RGL2: variants seen among roughly 807,000 people sequenced by gnomAD.
RGL2 encodes ral guanine nucleotide dissociation stimulator like 2, also known as ral guanine nucleotide dissociation stimulator-like 2.
A neutral mutation model predicts 84.6 loss-of-function variants in RGL2; 40 were observed. The ratio of observed to expected loss-of-function variants is 0.47; its 90% confidence interval spans 0.37 to 0.62. RGL2 has a LOEUF of 0.62. Among genes scored for constraint, RGL2 ranks in the 20% least tolerant of loss-of-function variants. RGL2 has a pLI of 0.00. For synonymous variants in RGL2, 369 were observed against 417.3 expected, an observed-to-expected ratio of 0.88 and a Z score of 1.41; for missense variants, 865 against 1,019.7, an observed-to-expected ratio of 0.85 and a Z score of 2.07.
At position 33,293,527 on chromosome 6, in the gene RGL2, G is replaced by A. The variant is rs1196238360; in HGVS notation, c.1605-3C>T. 1 of 1,613,526 alleles carries A rather than the reference G, an allele frequency of 6.2e-7. No homozygotes were observed. Among genetic ancestry groups the A allele is most frequent in the Admixed American group, 1.7e-5 (1 of 59,926 alleles). ...GGACCCCAACAGAGCCCAAAACCCT[G>A]CAGTGGCAGGAGATTGGGAGGATCA... On this transcript the variant is annotated splice_region_variant and splice_polypyrimidine_tract_variant and intron_variant, in intron 14 of 17. Transcript: ENST00000497454. The surrounding 1 kb of genome is among the most constrained non-coding windows in gnomAD (Gnocchi z 7.0).
chr6:33,296,121 G>C lies in RGL2; in HGVS notation c.675C>G (p.Pro225=), dbSNP rs375874138. The C allele has an allele frequency of 4.3e-6, 7 of 1,613,836 alleles. No individual in the cohort carries two copies. In the African/African-American group the frequency reaches 9.3e-5, roughly 22 times the overall value. Residue 225 remains proline, a synonymous_variant, in exon 6 of 18, where the codon CCC becomes CCG. Coordinates refer to ENST00000497454, the MANE Select transcript of RGL2 (RefSeq NM_004761.5). This position sits in a 1 kb window ranked among gnomAD's most constrained non-coding sequence, Gnocchi z 5.0. ...VDPQAPDLPK[P]LALPGDPPAD... is the part of the protein sequence containing the mutation. ...CAGGGGGATCGCCGGGGAGGGCCAG[G>C]GGCTTAGGAAGGTCGGGGGCCTGGG...
chr6:33,299,283 T>C (rs1367236186), upstream of RGL2: 1 of 152,224 alleles, frequency 6.6e-6, no homozygotes, highest in Non-Finnish European at 1.5e-5. This position sits in a 1 kb window ranked among gnomAD's most constrained non-coding sequence, Gnocchi z 5.0. Flanking sequence ...ATAACACGGC[T>C]AAAACTCCCG....
At position 33,298,412 on chromosome 6, in the gene RGL2, C is replaced by A. The variant is rs1386875630; in HGVS notation, c.156+43G>T. On this transcript the variant is annotated intron_variant, in intron 2 of 17. Coordinates refer to ENST00000497454, the MANE Select transcript of RGL2 (RefSeq NM_004761.5). The surrounding 1 kb of genome is among the most constrained non-coding windows in gnomAD (Gnocchi z 4.8). The stretch of plus-strand genomic sequence containing the variant: ...AGAGACAAGAGAAAAGTGGAGACTT[C>A]AGAAATACATACGCCCCCTACCTCC... 3 of 1,130,090 alleles carry A rather than the reference C, an allele frequency of 2.7e-6. No homozygotes were observed. Among genetic ancestry groups the A allele is most frequent in the Admixed American group, 2.4e-5 (1 of 41,408 alleles). 70.0% of individuals were successfully genotyped at this position (1,130,090 alleles called of 1,614,324 possible). A position where few individuals can be genotyped will look rare whatever the true frequency, so the allele number is the denominator to read the frequency against.
At chr6:33,292,664 A>T (rs1767526923) in intron 16 of RGL2, 120 bp from the exon 17 acceptor site, 4 of 854,776 alleles carry the variant, frequency 4.7e-6, no homozygotes, top group Non-Finnish European at 5.7e-6. Flanking sequence ...AATGAACAGG[A>T]AAACCCAATA....
rs568166862 is a variant in RGL2 at position 33,294,595 on chromosome 6, G to A, written c.1353+93C>T. ...CTCTGTCCCACACTCAGCTATTTGT[G>A]CCTTACAGCCCCTTGCAAGGGGCGG... On this transcript the variant is annotated intron_variant, in intron 11 of 17. Transcript: ENST00000497454. The surrounding 1 kb of genome is among the most constrained non-coding windows in gnomAD (Gnocchi z 5.0). 1 of 1,365,944 alleles carries A rather than the reference G, an allele frequency of 7.3e-7. No homozygotes were observed. Among genetic ancestry groups the A allele is most frequent in the South Asian group, 1.3e-5 (1 of 79,650 alleles). The allele number at this position is 1,365,944 out of a possible 1,614,324, so 84.6% of individuals were successfully genotyped here. A position where few individuals can be genotyped will look rare whatever the true frequency, so the allele number is the denominator to read the frequency against.
chr6:33,292,464 C>A lies in RGL2; in HGVS notation c.2088G>T (p.Glu696Asp). 6.2e-7 allele frequency: 1 copy of A among 1,614,186 alleles called. No individual in the cohort carries two copies. The highest frequency in any genetic ancestry group is 8.5e-7 in the Non-Finnish European group (1 of 1,180,032). The change falls in exon 17 of 18, where the codon GAG (glutamate) becomes GAT (aspartate). Residue 696 changes from glutamate to aspartate, a missense_variant. By Grantham distance (45) the Glu-to-Asp change is conservative. This residue lies in a region of RGL2 where 302 missense variants were observed against 327.9 expected (regional missense o/e 0.92). Transcript: ENST00000497454. ...KNNRDSAVASEYELVQLLPGE... is the reference protein window; with the variant it reads ...KNNRDSAVASDYELVQLLPGE... ...CTGGTAGCAGCTGTACCAGCTCATA[C>A]TCTGAAGCCACTGCAGAGTCACGAT...
chr6:33,293,625 A>G lies in RGL2; in HGVS notation c.1583T>C (p.Leu528Ser). The G allele has an allele frequency of 6.2e-7, 1 of 1,614,130 alleles. No individual in the cohort carries two copies. Among genetic ancestry groups the G allele is most frequent in the Non-Finnish European group, 8.5e-7 (1 of 1,180,010 alleles). ...PPAPRVLRPT[L>S]VISQWTEVLG... ...TCACTCTGTCCACTGCGAGATGACC[A>G]ATGTTGGCCGAAGCACCCGTGGGGC... Residue 528 changes from leucine to serine, a missense_variant, in exon 14 of 18, where the codon TTG becomes TCG. This residue lies in a region of RGL2 where 302 missense variants were observed against 327.9 expected (regional missense o/e 0.92). Transcript: ENST00000497454. This position sits in a 1 kb window ranked among gnomAD's most constrained non-coding sequence, Gnocchi z 7.0.
Position 33,295,407 on chromosome 6 carries a change from G to A in RGL2, c.1036C>T (p.Arg346Ter), listed in dbSNP as rs754266562. 9 of 1,611,568 alleles carry A rather than the reference G, an allele frequency of 5.6e-6. No homozygotes were observed. Among genetic ancestry groups the A allele is most frequent in the Admixed American group, 1.7e-5 (1 of 59,874 alleles). ...IRVAEECRLL[R>*]NFSSVYAVVS... is the part of the protein sequence containing the mutation. The stretch of plus-strand genomic sequence containing the variant: ...ACGGCATAAACTGAAGAGAAGTTTC[G>A]GAGCAGCCGGCACTCCTGTGGGGGT... Residue 346 changes from arginine (R) to a stop codon, truncating the protein, a stop_gained, in exon 8 of 18, where the codon CGA becomes TGA. Coordinates refer to ENST00000497454, the MANE Select transcript of RGL2 (RefSeq NM_004761.5). LOFTEE classifies it high-confidence loss of function. The surrounding 1 kb of genome is among the most constrained non-coding windows in gnomAD (Gnocchi z 7.2).
In RGL2 at chr6:33,294,826, A is replaced by G. The variant is rs144541616; in HGVS notation, c.1279-64T>C. 7.7e-4 allele frequency: 1,195 copies of G among 1,558,634 alleles called. 5 individuals are homozygous for G. The Middle Eastern group carries it at 0.013, about 17-fold the overall frequency. ...ACGTGAGGGCCCTCCATCCCTCCGC[A>G]CTTGCCCTCCTCATTGCCTCAGAGA... On this transcript the variant is annotated intron_variant, in intron 10 of 17. Transcript: ENST00000497454. This position sits in a 1 kb window ranked among gnomAD's most constrained non-coding sequence, Gnocchi z 5.0.
At chr6:33,298,955 T>G, upstream of RGL2, 1 of 218,508 alleles carries the variant, frequency 4.6e-6, no homozygotes, top group East Asian at 9.0e-5. This position sits in a 1 kb window ranked among gnomAD's most constrained non-coding sequence, Gnocchi z 4.8. Context: ...CTCCCCGGCT[T>G]TTCCGTACCC....
rs2150940223 is a variant in RGL2, at chr6:33,296,249, C to G, written c.547G>C (p.Asp183His). 1 of 1,614,024 alleles carries G rather than the reference C, an allele frequency of 6.2e-7. No individual in the cohort carries two copies. The highest frequency in any genetic ancestry group is 8.5e-7 in the Non-Finnish European group (1 of 1,179,898). Residue 183 changes from aspartate (D) to histidine (H), a missense_variant, in exon 6 of 18, where the codon GAC (aspartate) becomes CAC (histidine). Physicochemically the swap from Asp to His is moderately conservative, Grantham distance 81. Around this residue, in one of 5 missense-constraint regions of RGL2, gnomAD observed 455 missense variants for 507.8 expected, o/e 0.90. Coordinates refer to ENST00000497454, the MANE Select transcript of RGL2 (RefSeq NM_004761.5). This position sits in a 1 kb window ranked among gnomAD's most constrained non-coding sequence, Gnocchi z 5.0. ...DFGSEAKGQLDRLESFLLQTG... is the reference protein window; with the variant it reads ...DFGSEAKGQLHRLESFLLQTG... Reference sequence around the variant, plus strand: ...TGAAGTAAGAAGCTCTCAAGCCGGTCAAGCTGACCCTTGGCCTCAGAGCCA... The same window carrying G: ...TGAAGTAAGAAGCTCTCAAGCCGGTGAAGCTGACCCTTGGCCTCAGAGCCA...
chr6:33,293,602 ACT>A lies in RGL2; in HGVS notation c.1604_1604+1del. The stretch of plus-strand genomic sequence containing the variant: ...CCACCCCCCAGCCAGTGAATCTCTC[ACT>A]CTGTCCACTGCGAGATGACCAATGT... On this transcript the variant is annotated splice_donor_variant and coding_sequence_variant, in exon 14 of 18. Transcript: ENST00000497454. LOFTEE classifies it high-confidence loss of function. This position sits in a 1 kb window ranked among gnomAD's most constrained non-coding sequence, Gnocchi z 7.0. 1 of 1,613,770 alleles carries A rather than the reference ACT, an allele frequency of 6.2e-7. No individual in the cohort carries two copies. Among genetic ancestry groups the A allele is most frequent in the South Asian group, 1.1e-5 (1 of 91,050 alleles).
chr6:33,292,425 C>G lies in RGL2; in HGVS notation c.2122+5G>C. ...CGAGTCTGCCTTTCCCTCATGGCCT[C>G]TGACCTCGCTCCCCTGGTAGCAGCT... is the stretch of plus-strand genomic sequence containing the variant. On this transcript the variant is annotated splice_donor_5th_base_variant and intron_variant, in intron 17 of 17. Transcript: ENST00000497454. 9 of 1,613,950 alleles carry G rather than the reference C, an allele frequency of 5.6e-6. No individual in the cohort carries two copies. Among genetic ancestry groups the G allele is most frequent in the Non-Finnish European group, 7.6e-6 (9 of 1,179,850 alleles).
In RGL2 at chr6:33,295,981, G is replaced by A. The variant is rs1562664066; in HGVS notation, c.768+47C>T. The A allele has an allele frequency of 6.2e-7, 1 of 1,605,188 alleles. No individual in the cohort carries two copies. Among genetic ancestry groups the A allele is most frequent in the South Asian group, 1.1e-5 (1 of 90,404 alleles). On this transcript the variant is annotated intron_variant, in intron 6 of 17. Transcript: ENST00000497454. The surrounding 1 kb of genome is among the most constrained non-coding windows in gnomAD (Gnocchi z 7.2). Reference sequence around the variant, plus strand: ...GGAAAGGATCTGGAGTCAAGGAGAGGTTAGTAAGGGGTCAGGGGGCATAGG... The same window carrying A: ...GGAAAGGATCTGGAGTCAAGGAGAGATTAGTAAGGGGTCAGGGGGCATAGG...
chr6:33,299,305 T>G (rs904807648), upstream of RGL2: 2 of 152,210 alleles, frequency 1.3e-5, no homozygotes, highest in Non-Finnish European at 2.9e-5. The surrounding 1 kb of genome is among the most constrained non-coding windows in gnomAD (Gnocchi z 5.0). Flanking sequence ...GGGAAGCGTT[T>G]CAGGCGGAGA....
chr6:33,296,534 G>C lies in RGL2; in HGVS notation c.419+64C>G. 6.3e-7 allele frequency: 1 copy of C among 1,585,284 alleles called. No homozygotes were observed. Among genetic ancestry groups the C allele is most frequent in the Non-Finnish European group, 8.6e-7 (1 of 1,164,680 alleles). ...TCAGTGGCTTTGACTATTTTGGTGGGATGTTGCGGCTTTAGGAAATCCGGG... is the reference window on the plus strand; with the variant it reads ...TCAGTGGCTTTGACTATTTTGGTGGCATGTTGCGGCTTTAGGAAATCCGGG... On this transcript the variant is annotated intron_variant, in intron 4 of 17. Transcript: ENST00000497454. This position sits in a 1 kb window ranked among gnomAD's most constrained non-coding sequence, Gnocchi z 5.0.
chr6:33,294,596 C>T lies in RGL2; in HGVS notation c.1353+92G>A. On this transcript the variant is annotated intron_variant, in intron 11 of 17. Coordinates refer to ENST00000497454, the MANE Select transcript of RGL2 (RefSeq NM_004761.5). This position sits in a 1 kb window ranked among gnomAD's most constrained non-coding sequence, Gnocchi z 5.0. ...TCTGTCCCACACTCAGCTATTTGTG[C>T]CTTACAGCCCCTTGCAAGGGGCGGG... 7.2e-7 allele frequency: 1 copy of T among 1,384,366 alleles called. No individual in the cohort carries two copies. The highest frequency in any genetic ancestry group is 1.0e-6 in the Non-Finnish European group (1 of 991,142). 85.8% of individuals were successfully genotyped at this position (1,384,366 alleles called of 1,614,324 possible).
rs745504583 is a variant in RGL2 at position 33,292,230 on chromosome 6, A to G, written c.2206T>C (p.Ser736Pro). The change falls in exon 18 of 18, where the codon TCC becomes CCC. Residue 736 changes from serine (S) to proline (P), a missense_variant. Coordinates refer to ENST00000497454, the MANE Select transcript of RGL2 (RefSeq NM_004761.5). ...GTGACGCCAGGTGTAGCAGTAGAGG[A>G]CCTTCGCCGCTGCCGCAGGAGGAAA... The part of the protein sequence containing the change: ...HDFLLRQRRR[S>P]STATPGVTSG... 4.3e-6 allele frequency: 7 copies of G among 1,614,006 alleles called. No individual in the cohort carries two copies. Among genetic ancestry groups the G allele is most frequent in the Non-Finnish European group, 5.9e-6 (7 of 1,180,020 alleles).
Position 33,298,816 on chromosome 6 carries a change from T to G in RGL2, c.-42+54A>C, listed in dbSNP as rs1581727063. 2.4e-5 allele frequency: 6 copies of G among 246,376 alleles called. No homozygotes were observed. The highest frequency in any genetic ancestry group is 3.5e-5 in the Non-Finnish European group (5 of 142,664). 15.3% of individuals were successfully genotyped at this position (246,376 alleles called of 1,614,324 possible). A position where few individuals can be genotyped will look rare whatever the true frequency, so the allele number is the denominator to read the frequency against. ...GGAATAGGGGGGCCCTTGGTGCTGT[T>G]GGGGAAGGAGGAGGTCACGAGTACG... is the stretch of plus-strand genomic sequence containing the variant. On this transcript the variant is annotated intron_variant, in intron 1 of 17. Transcript: ENST00000497454. The surrounding 1 kb of genome is among the most constrained non-coding windows in gnomAD (Gnocchi z 4.8).
Sources: gnomAD v4.1 joint callset for allele counts on GRCh38, gnomAD v4.1.1 for gene constraint, gnomAD v4.1.1 regional missense constraint, Gnocchi (gnomAD v3.1) non-coding constraint, MANE v1.5 for transcripts, NCBI Gene and HGNC (gene_info 2026-07-23, HGNC 2026-07-21) for gene names.